Variants in PRKG1 observed in about 807,000 individuals in gnomAD.
PRKG1 encodes the protein protein kinase cGMP-dependent 1.
Under a neutral mutation model 88.1 loss-of-function variants are expected in PRKG1, and 35 were observed. The ratio of observed to expected loss-of-function variants is 0.40; its 90% CI spans 0.30 to 0.53. PRKG1 has a LOEUF of 0.53. PRKG1 is among the 20% of genes least tolerant of loss of function. The pLI is 0.59. For synonymous variants in PRKG1, 303 were observed against 292.5 expected (o/e 1.04, Z -0.37); for missense variants, 540 against 839.8 (o/e 0.64, Z 4.41).
At chr10:51,088,266 T>G (rs1844304863) in intron 1 of PRKG1, among the ~76,000 whole-genome samples, 1 of 152,140 alleles carries the variant, frequency 6.6e-6, no homozygotes, top group South Asian at 2.1e-4. Context: ...ATGGTTTACT[T>G]CCTCACTGAT....
At chr10:52,145,281 A>G (rs1326021534) in intron 8 of PRKG1, among the ~76,000 whole-genome samples, 3 of 152,186 alleles carry the variant, frequency 2.0e-5, no homozygotes, top group Non-Finnish European at 4.4e-5. Flanking sequence ...AAACCTTACT[A>G]TATTTCTAAG....
intron 3 of PRKG1, among the ~76,000 whole-genome samples, chr10:51,749,967 G>A (rs1837678371): frequency 8.0e-6 from 1 of 125,530 alleles, no homozygotes; most frequent in Non-Finnish European, 1.6e-5. Context: ...ACAGAGTCTT[G>A]CTCTGTCGCC....
intron 2 of PRKG1, among the ~76,000 whole-genome samples, chr10:51,346,285 A>G (rs1481219281): frequency 6.6e-6 from 1 of 152,222 alleles, no homozygotes; most frequent in Admixed American, 6.5e-5. Context: ...AATAACACAT[A>G]TCTGTGTTGC....
chr10:51,200,877 G>A (rs1564635954), intron 2 of PRKG1, among the ~76,000 whole-genome samples: 1 of 152,110 alleles, frequency 6.6e-6, no homozygotes, highest in Non-Finnish European at 1.5e-5. Flanking sequence ...TCCACAGAAG[G>A]CCTCAACTTG....
At chr10:51,932,328 G>C (rs1289873763) in intron 5 of PRKG1, among the ~76,000 whole-genome samples, 1 of 152,006 alleles carries the variant, frequency 6.6e-6, no homozygotes, top group Non-Finnish European at 1.5e-5. Flanking sequence ...AAACGGTTCA[G>C]TATTGACCCC....
chr10:51,839,794 C>G (rs1840224481), intron 4 of PRKG1, among the ~76,000 whole-genome samples: 1 of 152,190 alleles, frequency 6.6e-6, no homozygotes, highest in South Asian at 2.1e-4. Flanking sequence ...CTCACTGACC[C>G]AGTCCCATGA....
intron 3 of PRKG1, among the ~76,000 whole-genome samples, chr10:51,705,648 T>C (rs930729700): frequency 8.5e-5 from 13 of 152,198 alleles, no homozygotes; most frequent in Admixed American, 5.9e-4. Flanking sequence ...GGCTCTTTGA[T>C]AAATGCTTTA....
At chr10:51,828,505 G>C (rs1379390593) in intron 4 of PRKG1, among the ~76,000 whole-genome samples, 2 of 152,104 alleles carry the variant, frequency 1.3e-5, no homozygotes, top group African/African-American at 4.8e-5. Context: ...CATTAGAGAA[G>C]TGGTAGTCAC....
At position 51,841,371 on chromosome 10, in the gene PRKG1, G is replaced by A. The variant is rs529046659; in HGVS notation, c.698+36681G>A. ...ATGGGAGCAACAAAAAAGGAGAAAC[G>A]AAAAATTATAGTACAGTGTGATAAA... On this transcript the variant is annotated intron_variant, in intron 4 of 17. Transcript: ENST00000373980. 1.2e-4 allele frequency among the ~76,000 whole-genome samples: 19 copies of A among 152,208 alleles called. No individual in the cohort carries two copies. In the East Asian group the frequency reaches 1.7e-3, roughly 14 times the overall value.
intron 4 of PRKG1, among the ~76,000 whole-genome samples, chr10:51,811,213 G>A (rs2095636751): frequency 6.6e-6 from 1 of 152,082 alleles, no homozygotes; most frequent in African/African-American, 2.4e-5. Context: ...GGGTAGTTTA[G>A]TAATATTTTC....
At chr10:51,971,674 G>C (rs923380105) in intron 5 of PRKG1, among the ~76,000 whole-genome samples, 12 of 151,998 alleles carry the variant, frequency 7.9e-5, no homozygotes, top group African/African-American at 2.9e-4. Flanking sequence ...AGTTGCTCTT[G>C]TTATACAGTG....
chr10:51,733,812 T>C (rs1837185802), intron 3 of PRKG1, among the ~76,000 whole-genome samples: 1 of 152,192 alleles, frequency 6.6e-6, no homozygotes, highest in African/African-American at 2.4e-5. Context: ...ATATTTTGAG[T>C]ACCTTGGGAC....
intron 3 of PRKG1, chr10:51,698,537 C>A: frequency 1.2e-6 from 2 of 1,614,128 alleles, no homozygotes; most frequent in East Asian, 2.2e-5. Flanking sequence ...AGTCCCTCCA[C>A]GTGGGTCATT....
chr10:52,102,753 G>A (rs950247830), intron 7 of PRKG1, among the ~76,000 whole-genome samples: 1 of 151,970 alleles, frequency 6.6e-6, no homozygotes, highest in East Asian at 1.9e-4. Flanking sequence ...AGACATAGAC[G>A]CAGTGCCAGA....
intron 3 of PRKG1, among the ~76,000 whole-genome samples, chr10:51,718,515 G>A (rs1841938275): frequency 6.6e-6 from 1 of 152,188 alleles, no homozygotes; most frequent in Admixed American, 6.5e-5. Flanking sequence ...CTAAAGGGTA[G>A]CCATTGGGGC....
chr10:51,118,642 T>C (rs559296837), intron 1 of PRKG1, among the ~76,000 whole-genome samples: 3 of 152,240 alleles, frequency 2.0e-5, no homozygotes, highest in Admixed American at 2.0e-4. Context: ...TTCGAATGAG[T>C]ACTTCAAGTT....
chr10:51,126,224 T>C (rs1327627284), intron 1 of PRKG1, among the ~76,000 whole-genome samples: 2 of 122,146 alleles, frequency 1.6e-5, no homozygotes, highest in South Asian at 5.0e-4. Context: ...TTTATATATT[T>C]ATATATTTAT....
intron 3 of PRKG1, among the ~76,000 whole-genome samples, chr10:51,486,807 C>T (rs1313833141): frequency 6.6e-6 from 1 of 152,048 alleles, no homozygotes; most frequent in Non-Finnish European, 1.5e-5. Flanking sequence ...AAGGATTTTA[C>T]CTTCTAAATC....
intron 2 of PRKG1, among the ~76,000 whole-genome samples, chr10:51,172,230 C>G (rs16914938): frequency 0.056 from 8,500 of 152,044 alleles, 459 homozygotes; most frequent in African/African-American, 0.14. Context: ...ATCTAACACT[C>G]TATTTAAGCT....
Sources: gnomAD v4.1 joint callset for allele counts (sites outside exome capture counted in the v4.1 genomes callset) on GRCh38, gnomAD v4.1.1 for gene constraint, MANE v1.5 for transcripts, NCBI Gene and HGNC (gene_info 2026-07-23, HGNC 2026-07-21) for gene names.